The following MACROH2A2 variants were observed in gnomAD, a reference collection of about 807,000 sequenced individuals.
The protein encoded by MACROH2A2 is macroH2A.2 histone.
A neutral mutation model predicts 37.6 loss-of-function variants in MACROH2A2; 6 were observed. The observed-to-expected ratio is 0.16, with a 90% confidence interval of 0.09 to 0.32. MACROH2A2 has a LOEUF of 0.32. Ranked by LOEUF, MACROH2A2 falls within the 10% of genes least tolerant of loss-of-function variation. MACROH2A2 has a pLI of 1.00. For synonymous variants in MACROH2A2, 192 were observed against 202.7 expected, an observed-to-expected ratio of 0.95 and a Z score of 0.45; for missense variants, 290 against 485.9, an observed-to-expected ratio of 0.60 and a Z score of 3.79.
Position 70,091,902 on chromosome 10 carries a change from G to A in MACROH2A2, c.425G>A (p.Gly142Asp). Reference protein sequence around the residue: ...PEKRGRKATSGKKGGKKSKAA... With the variant: ...PEKRGRKATSDKKGGKKSKAA... ...AAAAGAGGCAGGAAGGCCACGTCAG[G>A]CAAGAAGGGGGGGAAGAAATCCAAG... Residue 142 changes from glycine (G) to aspartate (D), a missense_variant, in exon 4 of 9, where the codon GGC becomes GAC. Gly to Asp is a moderately conservative substitution (Grantham distance 94, BLOSUM62 -1). Around this residue, in one of 3 missense-constraint regions of MACROH2A2, gnomAD observed 77 missense variants for 68.9 expected, o/e 1.12. Transcript: ENST00000373255. 2 of 1,614,050 alleles carry A rather than the reference G, an allele frequency of 1.2e-6. No individual in the cohort carries two copies. The highest frequency in any genetic ancestry group is 1.7e-6 in the Non-Finnish European group (2 of 1,180,008).
intron 8 of MACROH2A2, 80 bp downstream of exon 8, chr10:70,109,287 G>T: frequency 8.0e-7 from 1 of 1,256,726 alleles, no homozygotes; most frequent in Non-Finnish European, 1.2e-6. Context: ...ATCTGATCTG[G>T]GTGTTGCCAA....
intron 1 of MACROH2A2, among the ~76,000 whole-genome samples, chr10:70,066,110 G>A (rs941716662): frequency 1.3e-5 from 2 of 152,028 alleles, no homozygotes; most frequent in East Asian, 1.9e-4. Context: ...GTTCACAGGC[G>A]GGGGGATCAC....
intron 2 of MACROH2A2, among the ~76,000 whole-genome samples, chr10:70,087,002 A>ACAACAAGGC (rs1350340188): frequency 6.6e-6 from 1 of 152,126 alleles, no homozygotes; most frequent in Admixed American, 6.5e-5. Context: ...ACCAGCCTGG[A>ACAACAAGGC]CAACAAAGTA....
intron 2 of MACROH2A2, among the ~76,000 whole-genome samples, chr10:70,084,561 C>A (rs2072199619): frequency 6.6e-6 from 1 of 152,174 alleles, no homozygotes; most frequent in Admixed American, 6.5e-5. Context: ...GAGCAAGACT[C>A]CGTCTCTAAA....
intron 7 of MACROH2A2, among the ~76,000 whole-genome samples, chr10:70,102,370 A>G (rs1306068226): frequency 1.3e-5 from 2 of 152,176 alleles, no homozygotes; most frequent in Non-Finnish European, 2.9e-5. Context: ...CCCTACATGG[A>G]CATGAGGGCA....
intron 1 of MACROH2A2, among the ~76,000 whole-genome samples, chr10:70,064,327 G>A (rs866082101): frequency 3.3e-5 from 5 of 152,150 alleles, no homozygotes; most frequent in Admixed American, 6.5e-5. Context: ...CCAAGATTGC[G>A]CCACTGCACT....
intron 7 of MACROH2A2, among the ~76,000 whole-genome samples, chr10:70,104,971 A>T (rs1361924276): frequency 6.6e-6 from 1 of 152,206 alleles, no homozygotes; most frequent in Non-Finnish European, 1.5e-5. Context: ...ACCCTGTGGC[A>T]GGGGGTCGGG....
At position 70,075,908 on chromosome 10, in the gene MACROH2A2, G is replaced by A; in HGVS notation, c.172+78G>A. On this transcript the variant is annotated intron_variant, in intron 2 of 8. Coordinates refer to ENST00000373255, the MANE Select transcript of MACROH2A2 (RefSeq NM_018649.3). The surrounding 1 kb of genome is among the most constrained non-coding windows in gnomAD (Gnocchi z 5.0). ...TGGGTCCCCCTCGCAGGCTGGGGAG[G>A]GATGCTCCAAATTGCCTTTTGGCTG... 7.9e-7 allele frequency: 1 copy of A among 1,266,322 alleles called. No individual in the cohort carries two copies. The highest frequency in any genetic ancestry group is 1.1e-6 in the Non-Finnish European group (1 of 899,130). 78.4% of individuals were successfully genotyped at this position (1,266,322 alleles called of 1,614,324 possible). A position where few individuals can be genotyped will look rare whatever the true frequency, so the allele number is the denominator to read the frequency against.
At chr10:70,109,604 C>T (rs2072358292) in intron 8 of MACROH2A2, among the ~76,000 whole-genome samples, 1 of 152,210 alleles carries the variant, frequency 6.6e-6, no homozygotes, top group African/African-American at 2.4e-5. Context: ...GAAGGCCTTG[C>T]TACTCAAAGT....
intron 2 of MACROH2A2, among the ~76,000 whole-genome samples, chr10:70,077,865 G>A (rs2072149121): frequency 6.6e-6 from 1 of 152,222 alleles, no homozygotes; most frequent in South Asian, 2.1e-4. Flanking sequence ...TTTGAGAAGA[G>A]TTTATGAGGC....
At chr10:70,072,947 A>G (rs184237888) in intron 1 of MACROH2A2, among the ~76,000 whole-genome samples, 3 of 152,016 alleles carry the variant, frequency 2.0e-5, no homozygotes, top group African/African-American at 7.2e-5. Context: ...ACAGAGCAAG[A>G]CTCCTTCCCA....
Position 70,109,025 on chromosome 10 carries a change from T to C in MACROH2A2, c.779-8T>C. 6.2e-7 allele frequency: 1 copy of C among 1,613,648 alleles called. No individual in the cohort carries two copies. The highest frequency in any genetic ancestry group is 8.5e-7 in the Non-Finnish European group (1 of 1,179,530). On this transcript the variant is annotated splice_polypyrimidine_tract_variant and splice_region_variant and intron_variant, in intron 7 of 8. Transcript: ENST00000373255. ...ATAACCCGCGGCATTTTCTCTCCTA[T>C]GTCCCAGCCGCCGTCAGCCAATCCA...
At chr10:70,089,926 G>A in intron 2 of MACROH2A2, 134 bp from the exon 3 acceptor site, 1 of 707,262 alleles carries the variant, frequency 1.4e-6, no homozygotes, top group Non-Finnish European at 2.5e-6. Flanking sequence ...TACGCTTCCT[G>A]GATTTCTTTC....
intron 1 of MACROH2A2, among the ~76,000 whole-genome samples, chr10:70,054,409 C>A (rs1158866652): frequency 6.6e-6 from 1 of 152,168 alleles, no homozygotes; most frequent in African/African-American, 2.4e-5. Flanking sequence ...CAGAGGAATT[C>A]AAAACAAGGG....
At chr10:70,094,177 G>C (rs1589838468) in intron 5 of MACROH2A2, among the ~76,000 whole-genome samples, 1 of 152,130 alleles carries the variant, frequency 6.6e-6, no homozygotes, top group Non-Finnish European at 1.5e-5. Flanking sequence ...AAAATCCATA[G>C]CTAACTTTCT....
chr10:70,088,940 C>T (rs1411933283), intron 2 of MACROH2A2, among the ~76,000 whole-genome samples: 1 of 152,120 alleles, frequency 6.6e-6, no homozygotes, highest in Non-Finnish European at 1.5e-5. Flanking sequence ...CTCATCTCTA[C>T]TAAAAATACA....
chr10:70,074,526 G>A (rs1404178065), intron 1 of MACROH2A2, among the ~76,000 whole-genome samples: 12 of 152,088 alleles, frequency 7.9e-5, no homozygotes, highest in Non-Finnish European at 1.6e-4. Flanking sequence ...CAAACCTAAC[G>A]GATGGTTTGG....
intron 1 of MACROH2A2, among the ~76,000 whole-genome samples, chr10:70,063,005 C>CTAAATAAATAAA: frequency 1.3e-5 from 2 of 151,938 alleles, no homozygotes; most frequent in African/African-American, 4.8e-5. Context: ...TTAACAAAAA[C>CTAAATAAATAAA]TAAATAAATA....
chr10:70,080,668 G>A (rs1205201380), intron 2 of MACROH2A2, among the ~76,000 whole-genome samples: 1 of 151,828 alleles, frequency 6.6e-6, no homozygotes, highest in African/African-American at 2.4e-5. Context: ...GATCACCTGA[G>A]GTCAGGAGTT....
Sources: gnomAD v4.1 joint callset for allele counts (sites outside exome capture counted in the v4.1 genomes callset) on GRCh38, gnomAD v4.1.1 for gene constraint, gnomAD v4.1.1 regional missense constraint, Gnocchi (gnomAD v3.1) non-coding constraint, MANE v1.5 for transcripts, NCBI Gene and HGNC (gene_info 2026-07-23, HGNC 2026-07-21) for gene names.